The following ZNF385D variants were observed in gnomAD, a reference collection of about 807,000 sequenced individuals.
The protein encoded by ZNF385D is zinc finger protein 659.
In ZNF385D, 15 loss-of-function variants were observed where a neutral mutation model predicts 35.8. The ratio of observed to expected loss-of-function variants is 0.42; its 90% CI spans 0.28 to 0.64. The LOEUF (loss-of-function observed/expected upper bound fraction) is 0.64, where lower values mean the gene tolerates loss of function less well. ZNF385D is among the 30% of genes least tolerant of loss of function. The probability of loss-of-function intolerance (pLI) is 0.23; values close to 1 mark genes in which losing one functional copy is unlikely to be tolerated. For synonymous variants in ZNF385D, 212 were observed against 186.8 expected (o/e 1.13, Z -1.10); for missense variants, 474 against 494.6 (o/e 0.96, Z 0.39).
chr3:22,306,805 A>G (rs1481829536), intron 2 of ZNF385D, among the ~76,000 whole-genome samples: 4 of 152,182 alleles, frequency 2.6e-5, no homozygotes, highest in Non-Finnish European at 5.9e-5. Context: ...GGATTTGTAC[A>G]AAGGAGAGGT....
At chr3:21,851,860 A>C (rs1696406556) in intron 3 of ZNF385D, among the ~76,000 whole-genome samples, 1 of 151,992 alleles carries the variant, frequency 6.6e-6, no homozygotes, top group African/African-American at 2.4e-5. Context: ...TTCAAGCATA[A>C]GAAATTCACA....
At chr3:21,473,907 A>C (rs1704061275) in intron 4 of ZNF385D, among the ~76,000 whole-genome samples, 1 of 152,080 alleles carries the variant, frequency 6.6e-6, no homozygotes, top group South Asian at 2.1e-4. Context: ...CATAAACTAT[A>C]ATTTATAAGC....
chr3:21,948,183 T>C (rs1701888774), intron 3 of ZNF385D, among the ~76,000 whole-genome samples: 1 of 152,146 alleles, frequency 6.6e-6, no homozygotes, highest in African/African-American at 2.4e-5. Context: ...GATTCTTCTC[T>C]TTTCTTAATT....
intron 5 of ZNF385D, among the ~76,000 whole-genome samples, chr3:21,433,832 T>C (rs1050465846): frequency 1.3e-5 from 2 of 152,182 alleles, no homozygotes; most frequent in Non-Finnish European, 2.9e-5. Flanking sequence ...AGATTTAGTG[T>C]ATATTAAATT....
chr3:21,473,714 C>T (rs575723785), intron 4 of ZNF385D, among the ~76,000 whole-genome samples: 10 of 152,158 alleles, frequency 6.6e-5, no homozygotes, highest in Non-Finnish European at 1.3e-4. Context: ...TTGTCTCAAG[C>T]TCTTTGCATA....
intron 2 of ZNF385D, among the ~76,000 whole-genome samples, chr3:22,233,095 A>G (rs1698988894): frequency 6.6e-6 from 1 of 152,054 alleles, no homozygotes; most frequent in African/African-American, 2.4e-5. Flanking sequence ...TGTTTTTAGT[A>G]TACTCCGTTT....
At chr3:22,318,684 A>T (rs181681210) in intron 2 of ZNF385D, among the ~76,000 whole-genome samples, 120 of 152,244 alleles carry the variant, frequency 7.9e-4, no homozygotes, top group African/African-American at 2.8e-3. Flanking sequence ...AGCACGAGGA[A>T]TACAAGACAA....
At chr3:21,591,048 A>T (rs997955295) in intron 2 of ZNF385D, among the ~76,000 whole-genome samples, 3 of 152,004 alleles carry the variant, frequency 2.0e-5, no homozygotes, top group African/African-American at 7.2e-5. Flanking sequence ...AAAATTAAAA[A>T]TGAGCTGGGC....
At chr3:22,081,387 A>T (rs1224396599) in intron 3 of ZNF385D, among the ~76,000 whole-genome samples, 1 of 152,226 alleles carries the variant, frequency 6.6e-6, no homozygotes, top group Non-Finnish European at 1.5e-5. Flanking sequence ...CCTAAAAAAG[A>T]TCCAAATTAT....
At position 22,164,608 on chromosome 3, in the gene ZNF385D, C is replaced by CTT. The variant is rs5847166; in HGVS notation, c.325+4207_325+4208dup. The stretch of plus-strand genomic sequence containing the variant: ...ATCATCTACAATTTGCCCAAAGGGA[C>CTT]TTTTTTTTTTTTTTTGAGTGAAACC... On this transcript the variant is annotated intron_variant, in intron 3 of 5. Transcript: ENST00000494108. Among the ~76,000 whole-genome samples, 1,121 of 138,330 alleles carry CTT rather than the reference C, an allele frequency of 8.1e-3. 4 individuals carry two copies. The highest frequency in any genetic ancestry group is 0.032 in the South Asian group (133 of 4,186). 90.7% of individuals were successfully genotyped at this position (138,330 alleles called of 152,430 possible).
At chr3:21,615,147 G>A (rs974546) in intron 2 of ZNF385D, among the ~76,000 whole-genome samples, 4,097 of 152,220 alleles carry the variant, frequency 0.027, 191 homozygotes, top group African/African-American at 0.094. Context: ...TGGTTGTGGC[G>A]GTGAATGCTT....
chr3:21,614,080 G>T (rs1463684619), intron 2 of ZNF385D, among the ~76,000 whole-genome samples: 10 of 152,170 alleles, frequency 6.6e-5, no homozygotes, highest in Admixed American at 6.5e-4. Context: ...CAATGTTGTT[G>T]TATTAGTTTT....
intron 2 of ZNF385D, among the ~76,000 whole-genome samples, chr3:22,274,791 T>G (rs1208222456): frequency 6.6e-6 from 1 of 151,376 alleles, no homozygotes; most frequent in Non-Finnish European, 1.5e-5. Context: ...GTACTTTTTT[T>G]TTTTTTTTAA....
intron 2 of ZNF385D, among the ~76,000 whole-genome samples, chr3:22,226,521 A>C (rs1282044787): frequency 6.6e-6 from 1 of 152,248 alleles, no homozygotes; most frequent in African/African-American, 2.4e-5. Context: ...AACACTTTTA[A>C]ATTGTGAAAA....
intron 3 of ZNF385D, among the ~76,000 whole-genome samples, chr3:22,063,680 T>A (rs1699798564): frequency 6.6e-6 from 1 of 152,216 alleles, no homozygotes; most frequent in African/African-American, 2.4e-5. Context: ...TGCGTGCTGA[T>A]AGCCCTCAGC....
At chr3:22,138,879 C>A (rs1055876987) in intron 3 of ZNF385D, among the ~76,000 whole-genome samples, 29 of 151,762 alleles carry the variant, frequency 1.9e-4, no homozygotes, top group African/African-American at 6.0e-4. Flanking sequence ...AGTGAACAGG[C>A]AACCTACACA....
upstream of ZNF385D, among the ~76,000 whole-genome samples, chr3:21,755,301 G>T (rs537354944): frequency 5.9e-5 from 9 of 152,096 alleles, no homozygotes; most frequent in African/African-American, 1.9e-4. Flanking sequence ...TTTAAAAATG[G>T]TATGATCATG....
intron 4 of ZNF385D, among the ~76,000 whole-genome samples, chr3:21,507,484 T>C (rs983374540): frequency 7.9e-5 from 12 of 152,230 alleles, no homozygotes; most frequent in African/African-American, 2.9e-4. Context: ...AAAAGATTCT[T>C]GTGCATTACC....
intron 3 of ZNF385D, among the ~76,000 whole-genome samples, chr3:22,045,112 GA>G (rs370272194): frequency 6.6e-6 from 1 of 151,396 alleles, no homozygotes; most frequent in African/African-American, 2.4e-5. Flanking sequence ...ATTGCTTTTG[GA>G]AAAAAAGCCT....
Sources: gnomAD v4.1 joint callset for allele counts (sites outside exome capture counted in the v4.1 genomes callset) on GRCh38, gnomAD v4.1.1 for gene constraint, MANE v1.5 for transcripts, NCBI Gene and HGNC (gene_info 2026-07-23, HGNC 2026-07-21) for gene names.